Variants in LRRC3B observed in about 807,000 individuals in gnomAD.
LRRC3B encodes leucine rich repeat containing 3B.
Under a neutral mutation model 12.8 loss-of-function variants are expected in LRRC3B, and 2 were observed. The ratio of observed to expected loss-of-function variants is 0.16; its 90% CI spans 0.06 to 0.49. The LOEUF (loss-of-function observed/expected upper bound fraction) is 0.49, where lower values mean the gene tolerates loss of function less well. Among genes scored for constraint, LRRC3B ranks in the 20% least tolerant of loss-of-function variants. The pLI is 0.96. For missense variants in LRRC3B, 189 were observed against 319.4 expected, an observed-to-expected ratio of 0.59 and a Z score of 3.11; for synonymous variants, 132 against 122.0, an observed-to-expected ratio of 1.08 and a Z score of -0.54.
At chr3:26,654,226 G>A (rs1699324108) in intron 1 of LRRC3B, among the ~76,000 whole-genome samples, 1 of 152,172 alleles carries the variant, frequency 6.6e-6, no homozygotes, top group African/African-American at 2.4e-5. Context: ...AGTATTTCTT[G>A]CTATTCCATC....
intron 1 of LRRC3B, among the ~76,000 whole-genome samples, chr3:26,631,945 A>G (rs549264302): frequency 2.2e-4 from 33 of 152,360 alleles, no homozygotes; most frequent in African/African-American, 7.9e-4. Context: ...TTTACTCCAT[A>G]TGATGTCTTC....
At chr3:26,629,200 G>A (rs141360031) in intron 1 of LRRC3B, among the ~76,000 whole-genome samples, 1,432 of 110,430 alleles carry the variant, frequency 0.013, 25 homozygotes, top group African/African-American at 0.046. Flanking sequence ...CCCTCCCTGC[G>A]TCCTTCCTTC....
At position 26,709,701 on chromosome 3, in the gene LRRC3B, G is replaced by A. The variant is rs769780461; in HGVS notation, c.29G>A (p.Arg10His). ...AATCTGGTAGACCTGTGGTTAACCC[G>A]TTCCCTCTCCATGTGTCTCCTCCTA... Residue 10 changes from arginine to histidine, a missense_variant, in exon 2 of 2, where the codon CGT becomes CAT. Arg to His is a conservative substitution (Grantham distance 29, BLOSUM62 0). Coordinates refer to ENST00000396641, the Ensembl canonical transcript of LRRC3B. 3.2e-5 allele frequency: 52 copies of A among 1,614,002 alleles called. No individual in the cohort carries two copies. The highest frequency in any genetic ancestry group is 2.0e-4 in the South Asian group (18 of 91,064).
At chr3:26,680,027 G>C (rs934939190) in intron 1 of LRRC3B, among the ~76,000 whole-genome samples, 1 of 152,146 alleles carries the variant, frequency 6.6e-6, no homozygotes, top group Non-Finnish European at 1.5e-5. Flanking sequence ...TAAGCAAAGC[G>C]ATTCAAACTT....
At chr3:26,685,503 CTCTCTCTCTCTCTCTCTCTCTATATA>C (rs1179681190) in intron 1 of LRRC3B, among the ~76,000 whole-genome samples, 1 of 46,924 alleles carries the variant, frequency 2.1e-5, no homozygotes, top group Non-Finnish European at 4.0e-5. Flanking sequence ...CTCTCTCTCT[CTCTCTCTCTCTCTCTCTCTCTATATA>C]TATATATATA....
At chr3:26,650,711 C>T (rs76177501) in intron 1 of LRRC3B, among the ~76,000 whole-genome samples, 4,905 of 152,096 alleles carry the variant, frequency 0.032, 124 homozygotes, top group South Asian at 0.049. Flanking sequence ...CCAAATAGCT[C>T]ATTATTATTA....
rs1194399897 is a variant in LRRC3B, at chr3:26,685,629, ATATATC to A, written c.-160-23878_-160-23873del. 2.9e-4 allele frequency among the ~76,000 whole-genome samples: 27 copies of A among 92,058 alleles called. 1 individual carries two copies. The highest frequency in any genetic ancestry group is 9.2e-4 in the African/African-American group (18 of 19,478). The allele number at this position is 92,058 out of a possible 152,430, so 60.4% of individuals were successfully genotyped here. The stretch of plus-strand genomic sequence containing the variant: ...TATGTGTGTGTGTATATATATATAT[ATATATC>A]TATATACCTCATTTTTAAAAACTAC... On this transcript the variant is annotated intron_variant, in intron 1 of 1. Coordinates refer to ENST00000396641, the Ensembl canonical transcript of LRRC3B.
At chr3:26,684,152 A>G (rs371796180) in intron 1 of LRRC3B, among the ~76,000 whole-genome samples, 23 of 152,348 alleles carry the variant, frequency 1.5e-4, no homozygotes, top group African/African-American at 5.3e-4. Context: ...TTTTAAAAAC[A>G]AAGTTGGGAA....
At chr3:26,677,749 C>T (rs1310833862) in intron 1 of LRRC3B, among the ~76,000 whole-genome samples, 1 of 152,090 alleles carries the variant, frequency 6.6e-6, no homozygotes, top group African/African-American at 2.4e-5. Context: ...CAAAATTGAT[C>T]ACCAATATGA....
At chr3:26,670,278 G>C (rs1269507364) in intron 1 of LRRC3B, among the ~76,000 whole-genome samples, 4 of 152,158 alleles carry the variant, frequency 2.6e-5, no homozygotes, top group Non-Finnish European at 4.4e-5. Flanking sequence ...CAGTCTCCTA[G>C]AATACAGACA....
intron 1 of LRRC3B, among the ~76,000 whole-genome samples, chr3:26,635,988 A>C (rs1448204387): frequency 6.6e-6 from 1 of 152,174 alleles, no homozygotes; most frequent in African/African-American, 2.4e-5. Context: ...ACACACATAC[A>C]CACACCCCAA....
intron 1 of LRRC3B, among the ~76,000 whole-genome samples, chr3:26,684,469 A>C (rs2125443822): frequency 6.6e-6 from 1 of 152,312 alleles, no homozygotes; most frequent in Middle Eastern, 3.4e-3. Context: ...GCCTTAGTCC[A>C]TTTTGTGCAT....
At chr3:26,651,981 G>A (rs1426143617) in intron 1 of LRRC3B, among the ~76,000 whole-genome samples, 1 of 152,134 alleles carries the variant, frequency 6.6e-6, no homozygotes, top group African/African-American at 2.4e-5. Flanking sequence ...GGATCCTGGT[G>A]CTAGCAAACA....
At position 26,704,519 on chromosome 3, in the gene LRRC3B, T is replaced by G. The variant is rs574518950; in HGVS notation, c.-160-4994T>G. Among the ~76,000 whole-genome samples the G allele has an allele frequency of 7.9e-5, 12 of 152,282 alleles. No homozygotes were observed. The East Asian group carries it at 2.3e-3, about 29-fold the overall frequency. On this transcript the variant is annotated intron_variant, in intron 1 of 1. Coordinates refer to ENST00000396641, the Ensembl canonical transcript of LRRC3B. ...TATACATCATATACATTGCTATTTA[T>G]GTATATTATTTTCCCATCCATTTTT...
At chr3:26,704,974 T>C (rs1559374217) in intron 1 of LRRC3B, among the ~76,000 whole-genome samples, 1 of 152,214 alleles carries the variant, frequency 6.6e-6, no homozygotes, top group Non-Finnish European at 1.5e-5. Context: ...GCATAGACTA[T>C]AATTGGAAGA....
intron 1 of LRRC3B, among the ~76,000 whole-genome samples, chr3:26,670,258 A>C (rs771179085): frequency 6.6e-6 from 1 of 152,222 alleles, no homozygotes; most frequent in Non-Finnish European, 1.5e-5. Context: ...GAAATGAGAG[A>C]GAGATGAAGC....
chr3:26,637,041 G>T (rs1698917144), intron 1 of LRRC3B, among the ~76,000 whole-genome samples: 1 of 147,652 alleles, frequency 6.8e-6, no homozygotes, highest in Admixed American at 6.9e-5. Context: ...CTGTCACCCA[G>T]GCTGGAGTGC....
chr3:26,695,254 A>G (rs1158759438), intron 1 of LRRC3B, among the ~76,000 whole-genome samples: 1 of 152,196 alleles, frequency 6.6e-6, no homozygotes. Flanking sequence ...TCAGCTGGGC[A>G]TGGTGGCTCA....
intron 1 of LRRC3B, among the ~76,000 whole-genome samples, chr3:26,663,115 C>T (rs993958783): frequency 4.6e-5 from 7 of 152,222 alleles, no homozygotes; most frequent in African/African-American, 1.4e-4. Flanking sequence ...CTCTCATGCA[C>T]GATTCTAGTA....
Sources: allele counts gnomAD v4.1 joint callset (sites outside exome capture counted in the v4.1 genomes callset), GRCh38; gene constraint gnomAD v4.1.1; transcripts MANE v1.5; gene names NCBI Gene and HGNC (gene_info 2026-07-23, HGNC 2026-07-21).